BSN: variants seen among roughly 807,000 people sequenced by gnomAD.
The protein encoded by BSN is bassoon presynaptic cytomatrix protein.
Under a neutral mutation model 264.8 loss-of-function variants are expected in BSN, and 57 were observed. That is an observed-to-expected ratio of 0.22 (90% CI 0.17 to 0.27). The LOEUF (loss-of-function observed/expected upper bound fraction) is 0.27. Ranked by LOEUF, BSN falls within the 10% of genes least tolerant of loss-of-function variation. The pLI is 1.00. For synonymous variants in BSN, 2,059 were observed against 2,137.3 expected (o/e 0.96, Z 1.01); for missense variants, 4,615 against 5,232.5 (o/e 0.88, Z 3.64).
rs1448553549 is a variant in BSN, at chr3:49,613,348, G to GAGAGAGAGAGAGAGA, written c.225-11626_225-11625insGAGAGAGAGAGAGAA. 2.7e-5 allele frequency among the ~76,000 whole-genome samples: 4 copies of GAGAGAGAGAGAGAGA among 148,790 alleles called. No homozygotes were observed. The South Asian group carries it at 6.4e-4, about 24-fold the overall frequency. On this transcript the variant is annotated intron_variant, in intron 1 of 11. Transcript: ENST00000296452. ...AGAGAGAGAGAGAGAGAGAGAGAGA[G>GAGAGAGAGAGAGAGA]AAGGGCTGGCCCAGAGCTCTCCACA...
rs1471365346 is a variant in BSN at position 49,554,811 on chromosome 3, G to A, written c.209G>A (p.Gly70Asp). 1.6e-6 allele frequency: 2 copies of A among 1,217,668 alleles called. No homozygotes were observed. The highest frequency in any genetic ancestry group is 2.0e-6 in the Non-Finnish European group (2 of 978,912). The allele number at this position is 1,217,668 out of a possible 1,614,324, so 75.4% of individuals were successfully genotyped here. The change falls in exon 1 of 12, where the codon GGC becomes GAC. Residue 70 changes from glycine (G) to aspartate (D), a missense_variant. Physicochemically the swap from Gly to Asp is moderately conservative, Grantham distance 94. This residue lies in a region of BSN where 1,197 missense variants were observed against 1,348.0 expected (regional missense o/e 0.89). Coordinates refer to ENST00000296452, the MANE Select transcript of BSN (RefSeq NM_003458.4). ...GGCCCCGGCCCCGGCCCCGGTCCCG[G>A]CCCTGGCCCGGGCAGGTAAGCGCGT... ...VPGPGPGPGP[G>D]PGPGSTSRRL...
intron 1 of BSN, among the ~76,000 whole-genome samples, chr3:49,571,247 G>A (rs1474152651): frequency 6.6e-6 from 1 of 152,082 alleles, no homozygotes; most frequent in Non-Finnish European, 1.5e-5. Flanking sequence ...AGAGGTAGTG[G>A]GCATTTCCAA....
intron 1 of BSN, among the ~76,000 whole-genome samples, chr3:49,558,864 G>A (rs1236205579): frequency 6.6e-6 from 1 of 152,168 alleles, no homozygotes; most frequent in African/African-American, 2.4e-5. Context: ...ATAAGGTGCT[G>A]TTGATTTAAA....
At chr3:49,644,749 G>A (rs909548054) in intron 3 of BSN, among the ~76,000 whole-genome samples, 3 of 152,186 alleles carry the variant, frequency 2.0e-5, no homozygotes, top group Non-Finnish European at 2.9e-5. Flanking sequence ...AGTTGGCCTG[G>A]CCTGGAGGAC....
At chr3:49,666,494 T>A (rs544720989) in intron 11 of BSN, among the ~76,000 whole-genome samples, 2 of 152,296 alleles carry the variant, frequency 1.3e-5, no homozygotes, top group Non-Finnish European at 2.9e-5. Context: ...AATAAATAAG[T>A]TTAAAAATAA....
chr3:49,650,665 C>T lies in BSN; in HGVS notation c.1572C>T (p.Ser524=), dbSNP rs758641305. Residue 524 remains serine, a synonymous_variant, in exon 4 of 12, where the codon AGC becomes AGT. Transcript: ENST00000296452. ...AAACCAAGCGGCTACTGGAGGGCAG[C>T]CTAGGAGAGCCGACCCCCCTGCCGC... ...NCQTKRLLEG[S]LGEPTPLPPP... is the part of the protein sequence containing the mutation. 11 of 1,610,240 alleles carry T rather than the reference C, an allele frequency of 6.8e-6. No individual in the cohort carries two copies. The South Asian group carries it at 1.2e-4, about 18-fold the overall frequency.
In BSN at chr3:49,654,547, C is replaced by A; in HGVS notation, c.4991C>A (p.Ala1664Glu). The A allele has an allele frequency of 6.2e-7, 1 of 1,610,204 alleles. No individual in the cohort carries two copies. The highest frequency in any genetic ancestry group is 8.5e-7 in the Non-Finnish European group (1 of 1,177,970). ...VEPGPRTPGT[A>E]VVDLRTAVKP... ...CCAGGCCCCAGGACCCCTGGCACTGCAGTGGTAGACCTCCGTACAGCTGTC... is the reference window on the plus strand; with the variant it reads ...CCAGGCCCCAGGACCCCTGGCACTGAAGTGGTAGACCTCCGTACAGCTGTC... Residue 1664 changes from alanine to glutamate, a missense_variant, in exon 5 of 12, where the codon GCA (alanine) becomes GAA (glutamate). Around this residue, in one of 3 missense-constraint regions of BSN, gnomAD observed 3,415 missense variants for 3,866.4 expected, o/e 0.88. Transcript: ENST00000296452. The surrounding 1 kb of genome is among the most constrained non-coding windows in gnomAD (Gnocchi z 4.1).
At position 49,554,655 on chromosome 3, in the gene BSN, C is replaced by T. The variant is rs1309654048; in HGVS notation, c.53C>T (p.Pro18Leu). Reference protein sequence around the residue: ...EGGAGDGPLPPGGAGPGPGPG... With the variant: ...EGGAGDGPLPLGGAGPGPGPG... ...GGCGCTGGCGACGGGCCGCTGCCGC[C>T]CGGCGGCGCCGGCCCCGGCCCGGGC... Residue 18 changes from proline to leucine, a missense_variant, in exon 1 of 12, where the codon CCC becomes CTC. Around this residue, in one of 3 missense-constraint regions of BSN, gnomAD observed 1,197 missense variants for 1,348.0 expected, o/e 0.89. Coordinates refer to ENST00000296452, the MANE Select transcript of BSN (RefSeq NM_003458.4). The T allele has an allele frequency of 2.0e-6, 2 of 987,180 alleles. No individual in the cohort carries two copies. The highest frequency in any genetic ancestry group is 1.2e-6 in the Non-Finnish European group (1 of 832,600). The allele number at this position is 987,180 out of a possible 1,614,324, so 61.2% of individuals were successfully genotyped here.
At chr3:49,603,492 C>G (rs967678892) in intron 1 of BSN, among the ~76,000 whole-genome samples, 2 of 152,146 alleles carry the variant, frequency 1.3e-5, no homozygotes, top group African/African-American at 2.4e-5. Context: ...ATTGAATGAG[C>G]AAATGACTGG....
At chr3:49,659,608 A>G (rs573336700) in intron 5 of BSN, among the ~76,000 whole-genome samples, 1 of 152,308 alleles carries the variant, frequency 6.6e-6, no homozygotes, top group Admixed American at 6.5e-5. Context: ...TGGGAAGGCT[A>G]GGAGCGAGAG....
chr3:49,610,901 G>C (rs1180724162), intron 1 of BSN, among the ~76,000 whole-genome samples: 1 of 152,132 alleles, frequency 6.6e-6, no homozygotes, highest in African/African-American at 2.4e-5. Flanking sequence ...TGCAGACATT[G>C]GGTGATCTTG....
At position 49,656,211 on chromosome 3, in the gene BSN, A is replaced by G. The variant is rs764022325; in HGVS notation, c.6655A>G (p.Met2219Val). 1 of 1,610,700 alleles carries G rather than the reference A, an allele frequency of 6.2e-7. No individual in the cohort carries two copies. Among genetic ancestry groups the G allele is most frequent in the Non-Finnish European group, 8.5e-7 (1 of 1,178,520 alleles). ...TTQPASVLRP[M>V]VRGGMYRPYA... Reference sequence around the variant, plus strand: ...CCAGCCTGCCTCAGTCCTGCGGCCCATGGTGCGTGGTGGCATGTACAGGCC... The same window carrying G: ...CCAGCCTGCCTCAGTCCTGCGGCCCGTGGTGCGTGGTGGCATGTACAGGCC... Residue 2219 changes from methionine (M) to valine (V), a missense_variant, in exon 5 of 12, where the codon ATG becomes GTG. This residue lies in a region of BSN where 3,415 missense variants were observed against 3,866.4 expected (regional missense o/e 0.88). Coordinates refer to ENST00000296452, the MANE Select transcript of BSN (RefSeq NM_003458.4).
chr3:49,600,398 C>T (rs556008766), intron 1 of BSN, among the ~76,000 whole-genome samples: 2 of 152,154 alleles, frequency 1.3e-5, no homozygotes, highest in Non-Finnish European at 2.9e-5. Context: ...GATTTCCGTA[C>T]ATGAGGTTGA....
intron 3 of BSN, among the ~76,000 whole-genome samples, chr3:49,644,661 G>A (rs189685474): frequency 1.3e-5 from 2 of 152,304 alleles, no homozygotes; most frequent in East Asian, 3.9e-4. Flanking sequence ...TCTGCCCAGA[G>A]ACCTCCAGGC....
chr3:49,666,661 A>G (rs2052715665), intron 11 of BSN, among the ~76,000 whole-genome samples: 1 of 152,058 alleles, frequency 6.6e-6, no homozygotes, highest in Non-Finnish European at 1.5e-5. Context: ...TGGGATGAAA[A>G]AAGGGGAGGG....
chr3:49,664,938 G>T, intron 10 of BSN, 85 bp downstream of exon 10: 1 of 1,059,582 alleles, frequency 9.4e-7, no homozygotes, highest in South Asian at 1.3e-5. Flanking sequence ...GTCCGAAGGG[G>T]TCCTCTGGGA....
At position 49,662,305 on chromosome 3, in the gene BSN, G is replaced by A; in HGVS notation, c.10460G>A (p.Ser3487Asn). The change falls in exon 6 of 12, where the codon AGT (serine) becomes AAT (asparagine). Residue 3487 changes from serine (S) to asparagine (N), a missense_variant. Ser to Asn is a conservative substitution (Grantham distance 46, BLOSUM62 1). Coordinates refer to ENST00000296452, the MANE Select transcript of BSN (RefSeq NM_003458.4). ...QKAGPKPSSLSMAHSRVRPPM... is the reference protein window; with the variant it reads ...QKAGPKPSSLNMAHSRVRPPM... ...GCGGGCCCCAAGCCCTCATCCCTAA[G>A]TATGGCCCACAGCCGGGTACGACCC... 1.9e-6 allele frequency: 3 copies of A among 1,613,862 alleles called. No individual in the cohort carries two copies. The highest frequency in any genetic ancestry group is 2.5e-6 in the Non-Finnish European group (3 of 1,179,914).
rs773730740 is a variant in BSN at position 49,652,344 on chromosome 3, C to T, written c.2788C>T (p.Arg930Cys). Residue 930 changes from arginine to cysteine, a missense_variant, in exon 5 of 12, where the codon CGC (arginine) becomes TGC (cysteine). By Grantham distance (180) the Arg-to-Cys change is radical. This residue lies in a region of BSN where 1,197 missense variants were observed against 1,348.0 expected (regional missense o/e 0.89). Coordinates refer to ENST00000296452, the MANE Select transcript of BSN (RefSeq NM_003458.4). ...GSGTLQGGLRRFKTIELNSTG... is the reference protein window; with the variant it reads ...GSGTLQGGLRCFKTIELNSTG... ...TGGGACCCTGCAGGGTGGGCTCCGT[C>T]GCTTCAAGACCATTGAGCTCAACAG... The T allele has an allele frequency of 5.0e-6, 8 of 1,603,060 alleles. No homozygotes were observed. Among genetic ancestry groups the T allele is most frequent in the South Asian group, 2.2e-5 (2 of 89,576 alleles).
downstream of BSN, among the ~76,000 whole-genome samples, chr3:49,673,081 CCGGG>C (rs66906465): frequency 0.46 from 29,017 of 63,142 alleles, 4,478 homozygotes; most frequent in Middle Eastern, 0.58. Flanking sequence ...GCCCGGCCGG[CCGGG>C]ACTTTTTTTT....
Sources: allele counts gnomAD v4.1 joint callset (sites outside exome capture counted in the v4.1 genomes callset), GRCh38; gene constraint gnomAD v4.1.1; regional missense constraint gnomAD v4.1.1; non-coding constraint Gnocchi (gnomAD v3.1); transcripts MANE v1.5; gene names NCBI Gene and HGNC (gene_info 2026-07-23, HGNC 2026-07-21).